TBX5: variants seen among roughly 807,000 people sequenced by gnomAD.
TBX5 encodes the protein T-box transcription factor 5.
In TBX5, 8 loss-of-function variants were observed where a neutral mutation model predicts 51.1. The observed-to-expected ratio is 0.16, with a 90% CI of 0.09 to 0.28. The LOEUF (loss-of-function observed/expected upper bound fraction) is 0.28. Ranked by LOEUF, TBX5 falls within the 10% of genes least tolerant of loss-of-function variation. TBX5 has a pLI of 1.00. For missense variants in TBX5, 589 were observed against 671.7 expected, an observed-to-expected ratio of 0.88 and a Z score of 1.36; for synonymous variants, 302 against 266.4, an observed-to-expected ratio of 1.13 and a Z score of -1.30.
Position 114,354,719 on chromosome 12 carries a change from C to T in TBX5, c.*813G>A, listed in dbSNP as rs980515259. 7 of 152,584 alleles carry T rather than the reference C, an allele frequency of 4.6e-5. No individual in the cohort carries two copies. The highest frequency in any genetic ancestry group is 1.9e-4 in the East Asian group (1 of 5,202). The allele number at this position is 152,584 out of a possible 1,614,324, so 9.5% of individuals were successfully genotyped here. A position where few individuals can be genotyped will look rare whatever the true frequency, so the allele number is the denominator to read the frequency against. On this transcript the variant is annotated 3_prime_UTR_variant, in exon 9 of 9. Transcript: ENST00000405440. Reference sequence around the variant, plus strand: ...TTTAAGTTTTTCAAAGCAAGCTTTCCGGAAGGGAAGCTATAGGCCACGTTT... The same window carrying T: ...TTTAAGTTTTTCAAAGCAAGCTTTCTGGAAGGGAAGCTATAGGCCACGTTT...
At chr12:114,403,314 G>A (rs1251321921) in intron 2 of TBX5, among the ~76,000 whole-genome samples, 3 of 152,212 alleles carry the variant, frequency 2.0e-5, no homozygotes, top group Non-Finnish European at 4.4e-5. Context: ...CGAAGGCTAC[G>A]GAAGATCAGA....
chr12:114,401,625 T>A (rs1173218820), intron 3 of TBX5, among the ~76,000 whole-genome samples: 1 of 152,184 alleles, frequency 6.6e-6, no homozygotes, highest in African/African-American at 2.4e-5. Context: ...CTAGGAGAGA[T>A]CAATGGAGGA....
rs913649359 is a variant in TBX5 at position 114,405,614 on chromosome 12, G to A, written c.-39+14C>T. 1 of 840,196 alleles carries A rather than the reference G, an allele frequency of 1.2e-6. No individual in the cohort carries two copies. The highest frequency in any genetic ancestry group is 6.2e-5 in the Admixed American group (1 of 16,118). 52.0% of individuals were successfully genotyped at this position (840,196 alleles called of 1,614,324 possible). On this transcript the variant is annotated intron_variant, in intron 1 of 8. Coordinates refer to ENST00000405440, the MANE Select transcript of TBX5 (RefSeq NM_181486.4). ...CCCTCCTGAGCCTCCCGGGCCATCT[G>A]CCGGGACGGTTACCTCGTTCGGTGA...
chr12:114,357,027 GATGC>G (rs151065049), intron 8 of TBX5, among the ~76,000 whole-genome samples: 2 of 111,268 alleles, frequency 1.8e-5, no homozygotes, highest in African/African-American at 3.5e-5. Context: ...TGGATGGATG[GATGC>G]ATGGATGCAT....
rs1253760473 is a variant in TBX5 at position 114,353,988 on chromosome 12, G to A, written c.*1544C>T. 6.6e-6 allele frequency: 1 copy of A among 152,390 alleles called. No individual in the cohort carries two copies. The highest frequency in any genetic ancestry group is 6.6e-5 in the Admixed American group (1 of 15,256). The allele number at this position is 152,390 out of a possible 1,614,324, so 9.4% of individuals were successfully genotyped here. The stretch of plus-strand genomic sequence containing the variant: ...TAATTGGCACACAAATATAAGGCAC[G>A]AGTACTTAATCCTCACCCTCCCCCC... On this transcript the variant is annotated 3_prime_UTR_variant, in exon 9 of 9. Transcript: ENST00000405440.
chr12:114,366,050 T>G (rs1468043883), intron 8 of TBX5, 115 bp downstream of exon 8: 2 of 1,199,234 alleles, frequency 1.7e-6, no homozygotes, highest in Admixed American at 3.5e-5. Context: ...TTGTGTTGTT[T>G]ACATTTTTAA....
At chr12:114,392,070 T>C (rs1469054133) in intron 6 of TBX5, among the ~76,000 whole-genome samples, 1 of 151,890 alleles carries the variant, frequency 6.6e-6, no homozygotes, top group East Asian at 1.9e-4. Flanking sequence ...AATTATTGTG[T>C]GTGAACACTT....
chr12:114,387,356 A>G (rs142076041), intron 6 of TBX5, among the ~76,000 whole-genome samples: 17 of 152,374 alleles, frequency 1.1e-4, no homozygotes, highest in African/African-American at 3.8e-4. Flanking sequence ...ATTGAAAATA[A>G]AATTATTATA....
rs1481439635 is a variant in TBX5 at position 114,354,157 on chromosome 12, T to A, written c.*1375A>T. 1 of 150,766 alleles carries A rather than the reference T, an allele frequency of 6.6e-6. No individual in the cohort carries two copies. The highest frequency in any genetic ancestry group is 2.5e-5 in the African/African-American group (1 of 40,436). 9.3% of individuals were successfully genotyped at this position (150,766 alleles called of 1,614,324 possible). On this transcript the variant is annotated 3_prime_UTR_variant, in exon 9 of 9. Coordinates refer to ENST00000405440, the MANE Select transcript of TBX5 (RefSeq NM_181486.4). Reference sequence around the variant, plus strand: ...TGTTTATAAAAAAGGAAAAAAAAAATTCTTTTTAATCAAAAAAAGCAAAGC... The same window carrying A: ...TGTTTATAAAAAAGGAAAAAAAAAAATCTTTTTAATCAAAAAAAGCAAAGC...
At chr12:114,362,953 A>G (rs1322787436) in intron 8 of TBX5, among the ~76,000 whole-genome samples, 1 of 152,202 alleles carries the variant, frequency 6.6e-6, no homozygotes, top group Non-Finnish European at 1.5e-5. Flanking sequence ...TGTGAGCCAC[A>G]GTGCCAGGCT....
rs1201407094 is a variant in TBX5 at position 114,356,054 on chromosome 12, T to G, written c.1035A>C (p.Thr345=). Residue 345 remains threonine (T), a synonymous_variant, in exon 9 of 9, where the codon ACA becomes ACC. Coordinates refer to ENST00000405440, the MANE Select transcript of TBX5 (RefSeq NM_181486.4). ...DHPYKKPYME[T]SPSEEDSFYR... is the part of the protein sequence containing the mutation. ...AGAAGGAATCTTCTTCACTGGGTGA[T>G]GTCTCCATGTAGGGCTTCTTATAGG... 6.2e-7 allele frequency: 1 copy of G among 1,614,020 alleles called. No individual in the cohort carries two copies. The highest frequency in any genetic ancestry group is 2.2e-5 in the East Asian group (1 of 44,870).
At chr12:114,385,394 G>C in intron 7 of TBX5, 82 bp downstream of exon 7, 1 of 1,150,028 alleles carries the variant, frequency 8.7e-7, no homozygotes, top group Non-Finnish European at 1.3e-6. Context: ...CTGGTGGAGG[G>C]AGGTGCTGGG....
intron 7 of TBX5, among the ~76,000 whole-genome samples, chr12:114,371,336 AC>A (rs1388220230): frequency 6.6e-6 from 1 of 152,102 alleles, no homozygotes; most frequent in East Asian, 1.9e-4. Context: ...GCGCCCACAG[AC>A]CAGCTTCTCC....
chr12:114,406,328 C>T (rs374919751), upstream of TBX5, among the ~76,000 whole-genome samples: 24 of 151,782 alleles, frequency 1.6e-4, no homozygotes, highest in African/African-American at 5.3e-4. Context: ...CCTTTCCCAA[C>T]CTCCATCCAT....
intron 7 of TBX5, among the ~76,000 whole-genome samples, chr12:114,382,529 T>C (rs941506473): frequency 6.6e-6 from 1 of 151,802 alleles, no homozygotes; most frequent in Non-Finnish European, 1.5e-5. Context: ...CTAGGCGTGG[T>C]GGCTCACGCC....
chr12:114,361,513 C>A lies in TBX5; in HGVS notation c.982+4652G>T, dbSNP rs1172029629. ...TGGGGTCCTGGATTTGATTGAGTGG[C>A]ATTGATAAAAGACCTTCCCAGCTTT... On this transcript the variant is annotated intron_variant, in intron 8 of 8. Transcript: ENST00000405440. Among the ~76,000 whole-genome samples the A allele has an allele frequency of 5.9e-5, 9 of 152,236 alleles. No homozygotes were observed. In the East Asian group the frequency reaches 1.2e-3, roughly 20 times the overall value.
chr12:114,398,498 G>C lies in TBX5; in HGVS notation c.510+75C>G. ...ATGTAGGCACACAGAGCCAAGAAGG[G>C]AGAGAAACCCAGTGAGAAGAAGGGA... On this transcript the variant is annotated intron_variant, in intron 5 of 8. Coordinates refer to ENST00000405440, the MANE Select transcript of TBX5 (RefSeq NM_181486.4). The C allele has an allele frequency of 3.2e-6, 5 of 1,565,278 alleles. No homozygotes were observed. In the South Asian group the frequency reaches 5.9e-5, roughly 18 times the overall value.
chr12:114,381,197 T>C (rs1315099375), intron 7 of TBX5, among the ~76,000 whole-genome samples: 2 of 152,204 alleles, frequency 1.3e-5, no homozygotes, highest in East Asian at 3.8e-4. Context: ...ATCCAAAAGT[T>C]ATTTCTGTGG....
chr12:114,392,523 T>C (rs572427975), intron 6 of TBX5, among the ~76,000 whole-genome samples: 1 of 152,236 alleles, frequency 6.6e-6, no homozygotes, highest in South Asian at 2.1e-4. Context: ...TTTAGGGTGT[T>C]TCTTCCAAAG....
Sources: allele counts gnomAD v4.1 joint callset (sites outside exome capture counted in the v4.1 genomes callset), GRCh38; gene constraint gnomAD v4.1.1; transcripts MANE v1.5; gene names NCBI Gene and HGNC (gene_info 2026-07-23, HGNC 2026-07-21).